The following LRIF1 variants were observed in gnomAD, a reference collection of about 807,000 sequenced individuals.
LRIF1 encodes the protein ligand dependent nuclear receptor interacting factor 1.
LRIF1 carries 32 observed loss-of-function variants against 52.7 expected under a neutral mutation model. The ratio of observed to expected loss-of-function variants is 0.61; its 90% CI spans 0.46 to 0.82. The LOEUF is 0.82. LRIF1 is among the 40% of genes least tolerant of loss of function. The pLI is 0.00. For missense variants in LRIF1, 887 were observed against 892.0 expected (o/e 0.99, Z 0.07); for synonymous variants, 323 against 317.4 (o/e 1.02, Z -0.19).
the LRIF1 span, among the ~76,000 whole-genome samples, chr1:110,926,651 C>T: frequency 1.3e-5 from 2 of 151,724 alleles, no homozygotes; most frequent in Non-Finnish European, 2.9e-5. Context: ...AGAAATGTAC[C>T]ATGCTTAGAG....
chr1:110,947,900 A>G lies in LRIF1; in HGVS notation c.*59T>C. On this transcript the variant is annotated 3_prime_UTR_variant, in exon 4 of 4. Coordinates refer to ENST00000369763, the MANE Select transcript of LRIF1 (RefSeq NM_018372.4). ...TTCAGAACACACCTACAATTAACTT[A>G]TTAATGCTGAAGTATATTTTAAAAA... 6.6e-7 allele frequency: 1 copy of G among 1,518,260 alleles called. No homozygotes were observed. 94.0% of individuals were successfully genotyped at this position (1,518,260 alleles called of 1,614,324 possible). A position where few individuals can be genotyped will look rare whatever the true frequency, so the allele number is the denominator to read the frequency against.
chr1:110,908,245 A>G, the LRIF1 span, among the ~76,000 whole-genome samples: 1 of 152,228 alleles, frequency 6.6e-6, no homozygotes, highest in Non-Finnish European at 1.5e-5. Context: ...TATAAAAGCA[A>G]AAAGCCCCAT....
the LRIF1 span, chr1:110,936,389 T>G: frequency 1.3e-5 from 2 of 152,136 alleles, no homozygotes; most frequent in Non-Finnish European, 2.9e-5. Context: ...CAATAACTTT[T>G]AATGACATAG....
At chr1:110,953,637 A>G (rs758439051) in intron 1 of LRIF1, among the ~76,000 whole-genome samples, 37 of 152,190 alleles carry the variant, frequency 2.4e-4, no homozygotes, top group Admixed American at 3.9e-4. Context: ...AAATCAATAT[A>G]TACTAATCTC....
chr1:110,946,339 G>A (rs1052873773), downstream of LRIF1, among the ~76,000 whole-genome samples: 1 of 152,186 alleles, frequency 6.6e-6, no homozygotes, highest in Admixed American at 6.5e-5. Context: ...AAGGAGAGGT[G>A]ATGGGGAATG....
chr1:110,943,728 C>A (rs1393373201), downstream of LRIF1: 1 of 152,166 alleles, frequency 6.6e-6, no homozygotes, highest in Non-Finnish European at 1.5e-5. Context: ...ATATGCCATG[C>A]TCTCTTGTGC....
At chr1:110,929,769 C>T in the LRIF1 span, among the ~76,000 whole-genome samples, 62 of 152,186 alleles carry the variant, frequency 4.1e-4, no homozygotes, top group Non-Finnish European at 7.6e-4. Flanking sequence ...AACAGAAAAC[C>T]AAATACCACA....
chr1:110,946,554 T>C (rs555005760), downstream of LRIF1, among the ~76,000 whole-genome samples: 12 of 152,236 alleles, frequency 7.9e-5, no homozygotes, highest in South Asian at 2.1e-3. Flanking sequence ...CTGATCTGTG[T>C]ATTTCACTTC....
At chr1:110,922,029 G>A in the LRIF1 span, among the ~76,000 whole-genome samples, 32 of 152,052 alleles carry the variant, frequency 2.1e-4, no homozygotes, top group Non-Finnish European at 3.7e-4. Flanking sequence ...TTATGTTTAT[G>A]ACTTGTCATC....
chr1:110,888,168 C>T, the LRIF1 span, among the ~76,000 whole-genome samples: 15 of 152,314 alleles, frequency 9.8e-5, no homozygotes, highest in African/African-American at 3.6e-4. Context: ...AGCCAACAAC[C>T]TGAATGTATA....
chr1:110,961,915 T>G (rs894897234), intron 1 of LRIF1, among the ~76,000 whole-genome samples: 6 of 152,076 alleles, frequency 3.9e-5, no homozygotes, highest in Non-Finnish European at 1.5e-5. Flanking sequence ...AAAACCTCAA[T>G]GATTTAAATA....
Position 110,947,732 on chromosome 1 carries a change from C to A in LRIF1, c.*227G>T, listed in dbSNP as rs1206105800. ...AATAATAGAAAAATATAAAATTTAT[C>A]CTTCCAAAAAAAGGTATCTAAGACA... On this transcript the variant is annotated 3_prime_UTR_variant, in exon 4 of 4. Coordinates refer to ENST00000369763, the MANE Select transcript of LRIF1 (RefSeq NM_018372.4). 1 of 384,706 alleles carries A rather than the reference C, an allele frequency of 2.6e-6. No individual in the cohort carries two copies. The highest frequency in any genetic ancestry group is 4.5e-6 in the Non-Finnish European group (1 of 224,188). 23.8% of individuals were successfully genotyped at this position (384,706 alleles called of 1,614,324 possible).
chr1:110,940,972 A>G, the LRIF1 span: 2 of 152,230 alleles, frequency 1.3e-5, no homozygotes, highest in East Asian at 3.9e-4. Context: ...AATAACTAGA[A>G]GAGTGTAACT....
chr1:110,946,650 C>T (rs1169889702), downstream of LRIF1, among the ~76,000 whole-genome samples: 4 of 130,196 alleles, frequency 3.1e-5, no homozygotes, highest in African/African-American at 1.1e-4. Flanking sequence ...GAGATTTGAT[C>T]CTTTTTTTTT....
chr1:110,946,997 A>G (rs775854512), downstream of LRIF1, among the ~76,000 whole-genome samples: 4 of 151,584 alleles, frequency 2.6e-5, no homozygotes, highest in Non-Finnish European at 5.9e-5. Context: ...CTCCTCCTTT[A>G]AGAGACAGGG....
the LRIF1 span, chr1:110,896,862 A>C: frequency 1.4e-6 from 1 of 734,902 alleles, no homozygotes. Flanking sequence ...AAGAGAGGCC[A>C]GGGCAACAAC....
chr1:110,958,740 A>T (rs1232563427), intron 1 of LRIF1, among the ~76,000 whole-genome samples: 1 of 152,208 alleles, frequency 6.6e-6, no homozygotes, highest in African/African-American at 2.4e-5. Flanking sequence ...TCTACCACAG[A>T]CCATAAATTC....
At chr1:110,877,049 T>C in the LRIF1 span, among the ~76,000 whole-genome samples, 1 of 152,198 alleles carries the variant, frequency 6.6e-6, no homozygotes, top group Non-Finnish European at 1.5e-5. Context: ...TAACAATCTA[T>C]GTACTTTATT....
At chr1:110,904,323 G>A in the LRIF1 span, among the ~76,000 whole-genome samples, 1 of 152,184 alleles carries the variant, frequency 6.6e-6, no homozygotes, top group African/African-American at 2.4e-5. Flanking sequence ...CCTTGGGCAA[G>A]ACTCAGTGCT....
Sources: gnomAD v4.1 joint callset for allele counts (sites outside exome capture counted in the v4.1 genomes callset) on GRCh38, gnomAD v4.1.1 for gene constraint, MANE v1.5 for transcripts, NCBI Gene and HGNC (gene_info 2026-07-23, HGNC 2026-07-21) for gene names.